RAB28: variants seen among roughly 807,000 people sequenced by gnomAD.
RAB28 encodes RAB28, member RAS oncogene family.
RAB28 carries 24 observed loss-of-function variants against 31.7 expected under a neutral mutation model. That is an observed-to-expected ratio of 0.76 (90% CI 0.55 to 1.06). The LOEUF is 1.06. Ranked by LOEUF, RAB28 falls within the 50% of genes least tolerant of loss-of-function variation. The pLI, the probability that RAB28 is intolerant of heterozygous loss-of-function variation, is 0.00. For missense variants in RAB28, 254 were observed against 258.5 expected (o/e 0.98, Z 0.12); for synonymous variants, 100 against 90.4 (o/e 1.11, Z -0.60).
At chr4:13,413,290 TA>T (rs1277140634) in intron 4 of RAB28, among the ~76,000 whole-genome samples, 3 of 152,288 alleles carry the variant, frequency 2.0e-5, no homozygotes, top group Admixed American at 6.5e-5. Flanking sequence ...ATTATAATAT[TA>T]AAAAATCAAA....
At chr4:13,374,313 A>G (rs1215445349) in intron 6 of RAB28, among the ~76,000 whole-genome samples, 2 of 151,986 alleles carry the variant, frequency 1.3e-5, no homozygotes, top group African/African-American at 4.8e-5. Flanking sequence ...AACACATCTA[A>G]TATCTCTTTA....
rs148719513 is a variant in RAB28, at chr4:13,458,559, T to C, written c.391+2140A>G. Among the ~76,000 whole-genome samples, 6 of 152,320 alleles carry C rather than the reference T, an allele frequency of 3.9e-5. No homozygotes were observed. The East Asian group carries it at 1.2e-3, about 29-fold the overall frequency. On this transcript the variant is annotated intron_variant, in intron 4 of 6. Transcript: ENST00000330852. The stretch of plus-strand genomic sequence containing the variant: ...GTAAAATCTGAAATCATTTTCTCTT[T>C]TTCTGACCTCAAATAAGTTAGAAAA...
At chr4:13,464,101 T>A (rs73231526) in intron 3 of RAB28, among the ~76,000 whole-genome samples, 2,307 of 152,120 alleles carry the variant, frequency 0.015, 51 homozygotes, top group South Asian at 0.088. Flanking sequence ...GTAATGATAA[T>A]TTTGACGAAC....
intron 4 of RAB28, among the ~76,000 whole-genome samples, chr4:13,458,340 G>A (rs570181356): frequency 4.6e-5 from 7 of 151,208 alleles, no homozygotes; most frequent in Non-Finnish European, 1.0e-4. Flanking sequence ...CTCATCTAGT[G>A]TGCAAAGCCA....
intron 4 of RAB28, among the ~76,000 whole-genome samples, chr4:13,396,772 C>T (rs556176842): frequency 6.6e-6 from 1 of 152,164 alleles, no homozygotes; most frequent in African/African-American, 2.4e-5. Flanking sequence ...TAAGTGTTTA[C>T]CTTATCAATC....
chr4:13,443,499 C>T (rs1714527402), intron 4 of RAB28, among the ~76,000 whole-genome samples: 1 of 152,282 alleles, frequency 6.6e-6, no homozygotes, highest in Admixed American at 6.5e-5. Flanking sequence ...ATCTTATGTG[C>T]TACTAAATCA....
intron 6 of RAB28, among the ~76,000 whole-genome samples, chr4:13,375,520 A>G (rs1728884578): frequency 6.6e-6 from 1 of 152,132 alleles, no homozygotes; most frequent in Non-Finnish European, 1.5e-5. Context: ...CAAGCAAATC[A>G]TGGTGACTTC....
At chr4:13,397,952 A>C (rs1026568947) in intron 4 of RAB28, among the ~76,000 whole-genome samples, 3 of 152,102 alleles carry the variant, frequency 2.0e-5, no homozygotes, top group Non-Finnish European at 4.4e-5. Context: ...TCATAACTCC[A>C]AAGAGTCACC....
At chr4:13,402,688 T>A (rs1711842240) in intron 4 of RAB28, among the ~76,000 whole-genome samples, 1 of 152,138 alleles carries the variant, frequency 6.6e-6, no homozygotes, top group Admixed American at 6.5e-5. Flanking sequence ...ATATGATTAT[T>A]TCTATATTTT....
At chr4:13,370,668 C>T (rs1728681666) in intron 6 of RAB28, 1 of 984,498 alleles carries the variant, frequency 1.0e-6, no homozygotes, top group Non-Finnish European at 1.2e-6. Context: ...ATTACTTGTC[C>T]AAGACTTCCT....
chr4:13,412,178 A>G (rs1712476637), intron 4 of RAB28, among the ~76,000 whole-genome samples: 1 of 152,204 alleles, frequency 6.6e-6, no homozygotes. Flanking sequence ...ACTATGGTTA[A>G]GAGCGTAAAA....
chr4:13,465,735 A>G (rs1715808704), intron 3 of RAB28, among the ~76,000 whole-genome samples: 1 of 150,586 alleles, frequency 6.6e-6, no homozygotes, highest in South Asian at 2.1e-4. Flanking sequence ...AAAAAGCTCA[A>G]ATAACCAAGG....
intron 4 of RAB28, among the ~76,000 whole-genome samples, chr4:13,444,182 C>G (rs1302099762): frequency 1.3e-5 from 2 of 152,056 alleles, no homozygotes; most frequent in Admixed American, 1.3e-4. Flanking sequence ...CGCCCGCCAC[C>G]ATGCCCAGCT....
At chr4:13,391,800 C>G (rs1485970347) in intron 4 of RAB28, among the ~76,000 whole-genome samples, 1 of 151,568 alleles carries the variant, frequency 6.6e-6, no homozygotes, top group Admixed American at 6.6e-5. Context: ...CAAACTATCA[C>G]AAGGACAGAA....
chr4:13,439,537 G>A (rs1714304870), intron 4 of RAB28, among the ~76,000 whole-genome samples: 1 of 152,042 alleles, frequency 6.6e-6, no homozygotes, highest in Admixed American at 6.5e-5. Context: ...AGTAGAGATG[G>A]GGTTTCACCA....
intron 4 of RAB28, among the ~76,000 whole-genome samples, chr4:13,414,325 G>A (rs535814283): frequency 1.3e-5 from 2 of 152,230 alleles, no homozygotes; most frequent in South Asian, 2.1e-4. Context: ...AAGCTGTAAG[G>A]GAAAGTCATT....
chr4:13,466,289 A>G (rs1419703710), intron 3 of RAB28, among the ~76,000 whole-genome samples: 1 of 151,916 alleles, frequency 6.6e-6, no homozygotes, highest in Non-Finnish European at 1.5e-5. Flanking sequence ...CCTACAAATT[A>G]AAATATTTTC....
At chr4:13,386,924 G>T (rs1324361319) in intron 4 of RAB28, among the ~76,000 whole-genome samples, 1 of 151,986 alleles carries the variant, frequency 6.6e-6, no homozygotes, top group African/African-American at 2.4e-5. Flanking sequence ...CCATGAAAAA[G>T]GAGATCATGT....
At chr4:13,370,354 A>G in intron 6 of RAB28, 1 of 944,640 alleles carries the variant, frequency 1.1e-6, no homozygotes, top group Non-Finnish European at 1.3e-6. Context: ...AAAGTGCAAT[A>G]AAAGGATTAA....
Sources: gnomAD v4.1 joint callset for allele counts (sites outside exome capture counted in the v4.1 genomes callset) on GRCh38, gnomAD v4.1.1 for gene constraint, MANE v1.5 for transcripts, NCBI Gene and HGNC (gene_info 2026-07-23, HGNC 2026-07-21) for gene names.